WSCD2: variants seen among roughly 807,000 people sequenced by gnomAD.
WSCD2 encodes sialate:O-sulfotransferase 2.
WSCD2 carries 28 observed loss-of-function variants against 55.7 expected under a neutral mutation model. The ratio of observed to expected loss-of-function variants is 0.50; its 90% confidence interval spans 0.37 to 0.69. The LOEUF is 0.69. WSCD2 is among the 30% of genes least tolerant of loss of function. The probability of loss-of-function intolerance (pLI) is 0.00; values close to 1 mark genes in which losing one functional copy is unlikely to be tolerated. For synonymous variants in WSCD2, 301 were observed against 301.9 expected, an observed-to-expected ratio of 1.00 and a Z score of 0.03; for missense variants, 616 against 762.1, an observed-to-expected ratio of 0.81 and a Z score of 2.26.
chr12:108,169,917 C>T (rs1880056673), intron 1 of WSCD2, among the ~76,000 whole-genome samples: 1 of 152,190 alleles, frequency 6.6e-6, no homozygotes, highest in Non-Finnish European at 1.5e-5. Context: ...TCGAGCAGCA[C>T]ATTAAAGACC....
At chr12:108,158,277 A>G (rs958733930) in intron 1 of WSCD2, among the ~76,000 whole-genome samples, 13 of 152,166 alleles carry the variant, frequency 8.5e-5, no homozygotes, top group Non-Finnish European at 1.8e-4. Context: ...GCAGCCACAA[A>G]CGGAGAGAGT....
rs762784040 is a variant in WSCD2 at position 108,162,387 on chromosome 12, G to GA, written c.-552+32462dup. On this transcript the variant is annotated intron_variant, in intron 1 of 8. Coordinates refer to ENST00000547525, the MANE Select transcript of WSCD2 (RefSeq NM_014653.4). ...ATATGCCTTGGAAAATGGGCTGGGG[G>GA]ATCCCCAGCCCCCCAACCCATTTCA... Among the ~76,000 whole-genome samples the GA allele has an allele frequency of 9.4e-4, 143 of 152,176 alleles. 2 individuals carry two copies. The highest frequency in any genetic ancestry group is 1.6e-3 in the Non-Finnish European group (109 of 67,998).
intron 1 of WSCD2, among the ~76,000 whole-genome samples, chr12:108,181,501 A>T (rs1481541699): frequency 6.6e-6 from 1 of 152,132 alleles, no homozygotes; most frequent in Non-Finnish European, 1.5e-5. Context: ...AAGGATATTG[A>T]CGGGGACTAG....
chr12:108,220,420 T>C (rs1887355093), intron 4 of WSCD2, among the ~76,000 whole-genome samples: 1 of 152,216 alleles, frequency 6.6e-6, no homozygotes, highest in Non-Finnish European at 1.5e-5. Context: ...GGAAGCCCCA[T>C]AGGACCAGGG....
Position 108,195,701 on chromosome 12 carries a change from T to C in WSCD2, c.-132T>C. 1 of 1,310,090 alleles carries C rather than the reference T, an allele frequency of 7.6e-7. No homozygotes were observed. The highest frequency in any genetic ancestry group is 2.7e-4 in the Middle Eastern group (1 of 3,720). The allele number at this position is 1,310,090 out of a possible 1,614,324, so 81.2% of individuals were successfully genotyped here. On this transcript the variant is annotated 5_prime_UTR_variant, in exon 2 of 9. Coordinates refer to ENST00000547525, the MANE Select transcript of WSCD2 (RefSeq NM_014653.4). ...TCCCCTTCTGGCCTTGGTGATCACT[T>C]TTTCAGGAAGAGTGAGACTGAGGAC...
Position 108,242,733 on chromosome 12 carries a change from C to T in WSCD2, c.1345+2189C>T, listed in dbSNP as rs1177468040. Among the ~76,000 whole-genome samples, 4 of 152,344 alleles carry T rather than the reference C, an allele frequency of 2.6e-5. No homozygotes were observed. The South Asian group carries it at 8.3e-4, about 32-fold the overall frequency. ...ATCAACCCATCCCCTAGATATTAAG[C>T]CCAGCATGCATTAGCTATTCTTCCT... is the stretch of plus-strand genomic sequence containing the variant. On this transcript the variant is annotated intron_variant, in intron 8 of 8. Coordinates refer to ENST00000547525, the MANE Select transcript of WSCD2 (RefSeq NM_014653.4).
At chr12:108,203,530 T>C (rs1254606493) in intron 2 of WSCD2, among the ~76,000 whole-genome samples, 1 of 152,202 alleles carries the variant, frequency 6.6e-6, no homozygotes, top group East Asian at 1.9e-4. Flanking sequence ...GCCAAGGTCA[T>C]CATGTCTCCT....
intron 4 of WSCD2, among the ~76,000 whole-genome samples, chr12:108,213,546 A>G (rs1886474073): frequency 6.6e-6 from 1 of 152,214 alleles, no homozygotes; most frequent in African/African-American, 2.4e-5. Context: ...GGGAGGCTCC[A>G]CAAAGAAGGG....
chr12:108,130,472 T>TGG (rs34008265), intron 1 of WSCD2, among the ~76,000 whole-genome samples: 42 of 126,596 alleles, frequency 3.3e-4, no homozygotes, highest in East Asian at 6.7e-4. Flanking sequence ...ATGTCCATTC[T>TGG]GGGGTGTGTG....
intron 1 of WSCD2, among the ~76,000 whole-genome samples, chr12:108,164,966 C>T (rs1325081273): frequency 2.6e-5 from 4 of 152,178 alleles, no homozygotes; most frequent in Admixed American, 1.3e-4. Flanking sequence ...ACTTGCTGCC[C>T]GATGCACATA....
intron 1 of WSCD2, among the ~76,000 whole-genome samples, chr12:108,176,671 G>T (rs1880912564): frequency 6.6e-6 from 1 of 152,182 alleles, no homozygotes; most frequent in African/African-American, 2.4e-5. Context: ...ACCTAGGAGT[G>T]GACATTTAAC....
At chr12:108,229,865 GA>G (rs199775108) in intron 6 of WSCD2, among the ~76,000 whole-genome samples, 2,367 of 117,166 alleles carry the variant, frequency 0.02, 40 homozygotes, top group African/African-American at 0.057. Flanking sequence ...TTTTGCTCTG[GA>G]AAAAAAAAAA....
chr12:108,153,516 C>A (rs1205097811), intron 1 of WSCD2, among the ~76,000 whole-genome samples: 2 of 152,126 alleles, frequency 1.3e-5, no homozygotes, highest in East Asian at 3.9e-4. Context: ...GGGCTTATAA[C>A]CATAGGGGCA....
At chr12:108,215,072 C>T (rs1886670811) in intron 4 of WSCD2, among the ~76,000 whole-genome samples, 1 of 152,210 alleles carries the variant, frequency 6.6e-6, no homozygotes, top group African/African-American at 2.4e-5. Context: ...CTTCTACTTC[C>T]CTTTGCTGTA....
chr12:108,216,390 G>A (rs1461326458), intron 4 of WSCD2, among the ~76,000 whole-genome samples: 1 of 152,192 alleles, frequency 6.6e-6, no homozygotes, highest in Non-Finnish European at 1.5e-5. Flanking sequence ...ATATAGAAAG[G>A]TTTGATCATT....
At chr12:108,178,125 G>A (rs940780210) in intron 1 of WSCD2, among the ~76,000 whole-genome samples, 5 of 152,156 alleles carry the variant, frequency 3.3e-5, no homozygotes, top group African/African-American at 4.8e-5. Context: ...GAAGCTGGAA[G>A]TCCAAAATTA....
chr12:108,216,791 T>C (rs1190911715), intron 4 of WSCD2, among the ~76,000 whole-genome samples: 1 of 152,182 alleles, frequency 6.6e-6, no homozygotes, highest in Non-Finnish European at 1.5e-5. Context: ...TATTTTTTTT[T>C]CCTCCAACTC....
At chr12:108,206,516 C>T in intron 3 of WSCD2, 113 bp downstream of exon 3, 4 of 1,030,782 alleles carry the variant, frequency 3.9e-6, no homozygotes, top group Non-Finnish European at 5.8e-6. Context: ...GAGCACGTGA[C>T]CACAGGAAAG....
At chr12:108,242,286 A>G (rs1351129078) in intron 8 of WSCD2, among the ~76,000 whole-genome samples, 1 of 152,170 alleles carries the variant, frequency 6.6e-6, no homozygotes, top group African/African-American at 2.4e-5. Flanking sequence ...TCCTCTTCTC[A>G]GTGAGGGGGT....
Sources: allele counts gnomAD v4.1 joint callset (sites outside exome capture counted in the v4.1 genomes callset), GRCh38; gene constraint gnomAD v4.1.1; transcripts MANE v1.5; gene names NCBI Gene and HGNC (gene_info 2026-07-23, HGNC 2026-07-21).